MAST4: variants seen among roughly 807,000 people sequenced by gnomAD.
MAST4 encodes the protein microtubule-associated serine/threonine-protein kinase 4.
Under a neutral mutation model 162.7 loss-of-function variants are expected in MAST4, and 89 were observed. The observed-to-expected ratio is 0.55, with a 90% CI of 0.46 to 0.65. The LOEUF (loss-of-function observed/expected upper bound fraction) is 0.65, where lower values mean the gene tolerates loss of function less well. Ranked by LOEUF, MAST4 falls within the 30% of genes least tolerant of loss-of-function variation. The pLI is 0.00. For synonymous variants in MAST4, 1,479 were observed against 1,361.1 expected (o/e 1.09, Z -1.91); for missense variants, 3,153 against 3,374.0 (o/e 0.93, Z 1.62).
intron 14 of MAST4, among the ~76,000 whole-genome samples, chr5:67,121,323 G>A (rs1014337324): frequency 3.9e-5 from 6 of 152,056 alleles, no homozygotes; most frequent in African/African-American, 1.4e-4. Flanking sequence ...TAGAGGGTTG[G>A]AGAGAAAGAT....
At chr5:67,123,910 C>A (rs1330464889) in intron 14 of MAST4, among the ~76,000 whole-genome samples, 1 of 150,954 alleles carries the variant, frequency 6.6e-6, no homozygotes, top group Non-Finnish European at 1.5e-5. Flanking sequence ...CTCCCACATG[C>A]TATCCCTGTA....
chr5:66,901,061 C>A (rs1490516911), intron 4 of MAST4, among the ~76,000 whole-genome samples: 1 of 152,130 alleles, frequency 6.6e-6, no homozygotes, highest in Non-Finnish European at 1.5e-5. Context: ...TTAACTCTTT[C>A]CTCTTCTGCA....
intron 1 of MAST4, among the ~76,000 whole-genome samples, chr5:66,617,469 AG>A (rs1373434596): frequency 5.5e-5 from 8 of 144,690 alleles, no homozygotes; most frequent in African/African-American, 1.5e-4. Flanking sequence ...AAAGCAGAGA[AG>A]GGTTATTTTT....
intron 3 of MAST4, among the ~76,000 whole-genome samples, chr5:66,884,318 A>G (rs1370664071): frequency 6.6e-6 from 1 of 152,212 alleles, no homozygotes; most frequent in Non-Finnish European, 1.5e-5. Context: ...TCTCAAACTT[A>G]TTGGATCCAG....
At chr5:66,997,433 CTT>C (rs35005578) in intron 4 of MAST4, among the ~76,000 whole-genome samples, 25 of 134,922 alleles carry the variant, frequency 1.9e-4, no homozygotes, top group Admixed American at 2.2e-4. Flanking sequence ...TTTCTTTTCT[CTT>C]TTTTTTTTTT....
At chr5:66,759,527 C>T (rs1225094259) in intron 1 of MAST4, among the ~76,000 whole-genome samples, 182 bp from the exon 2 acceptor site, 2 of 152,208 alleles carry the variant, frequency 1.3e-5, no homozygotes, top group Non-Finnish European at 1.5e-5. Context: ...GCCAGACTCT[C>T]TTTCGGAAGG....
At chr5:66,891,563 C>T (rs574072951) in intron 3 of MAST4, among the ~76,000 whole-genome samples, 1 of 152,112 alleles carries the variant, frequency 6.6e-6, no homozygotes, top group Non-Finnish European at 1.5e-5. Context: ...CTTCCAAAAC[C>T]CTTCTATGAT....
intron 4 of MAST4, among the ~76,000 whole-genome samples, chr5:67,037,845 A>G (rs1369094045): frequency 6.6e-6 from 1 of 151,368 alleles, no homozygotes; most frequent in Admixed American, 6.6e-5. Context: ...CTTTCTAACT[A>G]TGATGCTAGA....
Position 67,095,688 on chromosome 5 carries a change from C to CT in MAST4, c.912+28dup, listed in dbSNP as rs751787327. The CT allele has an allele frequency of 0.14, 175,900 of 1,215,270 alleles. 7 individuals are homozygous for CT. Among genetic ancestry groups the CT allele is most frequent in the Non-Finnish European group, 0.16 (140,724 of 902,124 alleles). The allele number at this position is 1,215,270 out of a possible 1,614,324, so 75.3% of individuals were successfully genotyped here. Reference sequence around the variant, plus strand: ...CTCTACGGTCTCTGTAAGTGCCTGACTTTTTTTTTTTTTTTCTCTTCCTCA... The same window carrying CT: ...CTCTACGGTCTCTGTAAGTGCCTGACTTTTTTTTTTTTTTTTCTCTTCCTCA... On this transcript the variant is annotated intron_variant, in intron 7 of 28. Coordinates refer to ENST00000403625, the MANE Select transcript of MAST4 (RefSeq NM_001164664.2).
At chr5:66,798,598 G>A (rs1049707152) in intron 3 of MAST4, among the ~76,000 whole-genome samples, 1 of 152,194 alleles carries the variant, frequency 6.6e-6, no homozygotes, top group Non-Finnish European at 1.5e-5. Flanking sequence ...TCTAAGAATT[G>A]AAGGTACATT....
chr5:66,648,512 C>CT (rs977911761), intron 1 of MAST4, among the ~76,000 whole-genome samples: 5 of 151,278 alleles, frequency 3.3e-5, no homozygotes, highest in Non-Finnish European at 4.4e-5. Context: ...GGCTTGGTGA[C>CT]TTTTTTTTTC....
intron 12 of MAST4, among the ~76,000 whole-genome samples, chr5:67,118,004 AGTAT>A (rs1767125272): frequency 6.6e-6 from 1 of 152,260 alleles, no homozygotes; most frequent in South Asian, 2.1e-4. Context: ...AATTTTTGTT[AGTAT>A]GCTAAGAGCT....
At chr5:67,049,643 C>T (rs1031184916) in intron 4 of MAST4, among the ~76,000 whole-genome samples, 17 of 152,050 alleles carry the variant, frequency 1.1e-4, no homozygotes, top group African/African-American at 4.1e-4. Context: ...TACCGGGGCC[C>T]CTCTTACTCA....
chr5:67,142,740 C>T (rs148106848), intron 21 of MAST4: 139 of 455,880 alleles, frequency 3.0e-4, no homozygotes, highest in African/African-American at 2.5e-3. Flanking sequence ...TTTACCTTCT[C>T]TCTTTCCTGT....
At chr5:66,935,241 A>G (rs1011569182) in intron 4 of MAST4, among the ~76,000 whole-genome samples, 3 of 152,206 alleles carry the variant, frequency 2.0e-5, no homozygotes, top group Admixed American at 2.0e-4. Flanking sequence ...ATACAAGTAA[A>G]GGTCTGAGAC....
intron 2 of MAST4, among the ~76,000 whole-genome samples, chr5:66,781,581 G>A (rs994414065): frequency 3.3e-5 from 5 of 152,262 alleles, no homozygotes; most frequent in Non-Finnish European, 5.9e-5. Flanking sequence ...CCTTGAGAGC[G>A]ATATCTGGGC....
At chr5:67,087,239 C>T (rs988550206) in intron 5 of MAST4, among the ~76,000 whole-genome samples, 6 of 152,126 alleles carry the variant, frequency 3.9e-5, no homozygotes, top group African/African-American at 1.4e-4. Flanking sequence ...ACTTTTTTAG[C>T]CTGTATCCTT....
chr5:67,147,181 C>G (rs1384796746), intron 23 of MAST4, among the ~76,000 whole-genome samples: 1 of 152,066 alleles, frequency 6.6e-6, no homozygotes, highest in African/African-American at 2.4e-5. Flanking sequence ...CTCTCTCTCC[C>G]CCATACGCAC....
chr5:66,952,403 A>C (rs529341221), intron 4 of MAST4, among the ~76,000 whole-genome samples: 1 of 152,276 alleles, frequency 6.6e-6, no homozygotes, highest in African/African-American at 2.4e-5. Context: ...GAGTCCTTAG[A>C]AGCCATTAGC....
Sources: gnomAD v4.1 joint callset for allele counts (sites outside exome capture counted in the v4.1 genomes callset) on GRCh38, gnomAD v4.1.1 for gene constraint, MANE v1.5 for transcripts, NCBI Gene and HGNC (gene_info 2026-07-23, HGNC 2026-07-21) for gene names.